Variants in ZC3H8 observed in about 807,000 individuals in gnomAD.
ZC3H8 encodes zinc finger CCCH-type containing 8, also known as zinc finger CCCH domain-containing protein 8.
In ZC3H8, 27 loss-of-function variants were observed where a neutral mutation model predicts 42.5. That is an observed-to-expected ratio of 0.64 (90% CI 0.47 to 0.88). The LOEUF is 0.88. Among genes scored for constraint, ZC3H8 ranks in the 40% least tolerant of loss-of-function variants. The pLI is 0.00. For missense variants in ZC3H8, 277 were observed against 336.1 expected (o/e 0.82, Z 1.37); for synonymous variants, 101 against 110.1 (o/e 0.92, Z 0.52).
intron 4 of ZC3H8, 128 bp downstream of exon 4, chr2:112,236,434 T>C: frequency 1.6e-6 from 2 of 1,275,902 alleles, no homozygotes; most frequent in South Asian, 3.1e-5. Flanking sequence ...GACATCTTCA[T>C]CCGAAAACCG....
chr2:112,236,321 AG>A (rs1685333375), intron 4 of ZC3H8, among the ~76,000 whole-genome samples: 1 of 152,196 alleles, frequency 6.6e-6, no homozygotes, highest in Admixed American at 6.5e-5. Context: ...CAGGAACAAC[AG>A]TGAGAACGCT....
intron 1 of ZC3H8, among the ~76,000 whole-genome samples, chr2:112,254,523 G>A (rs553806163): frequency 4.6e-5 from 7 of 152,328 alleles, no homozygotes; most frequent in Non-Finnish European, 1.0e-4. Context: ...AGTGTCCTCT[G>A]GGAGTTTACG....
At chr2:112,246,074 A>G (rs1219383266) in intron 2 of ZC3H8, among the ~76,000 whole-genome samples, 1 of 152,196 alleles carries the variant, frequency 6.6e-6, no homozygotes, top group Non-Finnish European at 1.5e-5. Context: ...CCTGTGCTCT[A>G]TATATGGAGC....
intron 1 of ZC3H8, among the ~76,000 whole-genome samples, chr2:112,251,636 T>C (rs1685953317): frequency 1.3e-5 from 2 of 152,198 alleles, no homozygotes; most frequent in Admixed American, 1.3e-4. Context: ...TGTTATGACA[T>C]ACATACTAAA....
chr2:112,253,232 T>TA lies in ZC3H8; in HGVS notation c.74+1675dup, dbSNP rs776356203. ...TCATTCATTTTCTCAGGGCATTTAG[T>TA]ACCACCTAAAATATGATATATTTAT... On this transcript the variant is annotated intron_variant, in intron 1 of 8. Coordinates refer to ENST00000409573, the MANE Select transcript of ZC3H8 (RefSeq NM_032494.3). Among the ~76,000 whole-genome samples the TA allele has an allele frequency of 7.9e-5, 12 of 152,308 alleles. No homozygotes were observed. The East Asian group carries it at 1.7e-3, about 22-fold the overall frequency.
chr2:112,215,535 A>G lies in ZC3H8; in HGVS notation c.*949T>C, dbSNP rs1684287185. On this transcript the variant is annotated 3_prime_UTR_variant, in exon 9 of 9. Coordinates refer to ENST00000409573, the MANE Select transcript of ZC3H8 (RefSeq NM_032494.3). ...TTCAAATAGGACTTTGCTAAGAAGT[A>G]TCACTAGCTTTGGTGTACTCTGTAT... The G allele has an allele frequency of 6.6e-6, 1 of 152,244 alleles. No homozygotes were observed. Among genetic ancestry groups the G allele is most frequent in the Non-Finnish European group, 1.5e-5 (1 of 68,028 alleles). 9.4% of individuals were successfully genotyped at this position (152,244 alleles called of 1,614,324 possible). A position where few individuals can be genotyped will look rare whatever the true frequency, so the allele number is the denominator to read the frequency against.
rs539045595 is a variant in ZC3H8 at position 112,247,072 on chromosome 2, A to G, written c.156+3119T>C. Among the ~76,000 whole-genome samples, 72 of 152,298 alleles carry G rather than the reference A, an allele frequency of 4.7e-4. No individual in the cohort carries two copies. The South Asian group carries it at 8.9e-3, about 19-fold the overall frequency. On this transcript the variant is annotated intron_variant, in intron 2 of 8. Coordinates refer to ENST00000409573, the MANE Select transcript of ZC3H8 (RefSeq NM_032494.3). ...CAAAGAATTTTTAATTAAGATATATACTGTTTTCTAAAATATAATGGTATT... is the reference window on the plus strand; with the variant it reads ...CAAAGAATTTTTAATTAAGATATATGCTGTTTTCTAAAATATAATGGTATT...
chr2:112,249,667 A>T (rs1267236130), intron 2 of ZC3H8, among the ~76,000 whole-genome samples: 1 of 152,052 alleles, frequency 6.6e-6, no homozygotes, highest in African/African-American at 2.4e-5. Context: ...GCTGGTCTCA[A>T]ACTCCTGACC....
At chr2:112,236,772 T>C in intron 3 of ZC3H8, 77 bp from the exon 4 acceptor site, 2 of 1,298,370 alleles carry the variant, frequency 1.5e-6, no homozygotes, top group Non-Finnish European at 1.1e-6. Context: ...CGGGGCCAGG[T>C]GCAGTGGCTC....
chr2:112,223,619 T>C (rs191736519), intron 8 of ZC3H8, among the ~76,000 whole-genome samples: 147 of 152,260 alleles, frequency 9.7e-4, no homozygotes, highest in South Asian at 5.2e-3. Flanking sequence ...AAGAAAAATG[T>C]ATAGGTTTAG....
intron 8 of ZC3H8, among the ~76,000 whole-genome samples, chr2:112,225,408 T>C (rs1684777443): frequency 1.3e-5 from 2 of 151,774 alleles, no homozygotes; most frequent in South Asian, 4.2e-4. Flanking sequence ...AGCCCAGGAG[T>C]TCAAGGCTAA....
At chr2:112,250,445 A>G (rs1685907645) in intron 1 of ZC3H8, among the ~76,000 whole-genome samples, 173 bp from the exon 2 acceptor site, 1 of 152,234 alleles carries the variant, frequency 6.6e-6, no homozygotes, top group Admixed American at 6.5e-5. Flanking sequence ...TGACCAATAA[A>G]TGTCCATATA....
In ZC3H8 at chr2:112,254,990, C is replaced by T; in HGVS notation, c.-9G>A. On this transcript the variant is annotated 5_prime_UTR_variant, in exon 1 of 9. Transcript: ENST00000409573. ...AGATTCTCAAAATCCATGACCCAGA[C>T]AGGTCCTCCCTTTCGCGAGCCGGGA... The T allele has an allele frequency of 6.2e-7, 1 of 1,601,820 alleles. No individual in the cohort carries two copies. The highest frequency in any genetic ancestry group is 8.5e-7 in the Non-Finnish European group (1 of 1,175,008).
intron 2 of ZC3H8, 113 bp from the exon 3 acceptor site, chr2:112,238,641 A>G (rs1470919522): frequency 1.3e-6 from 1 of 785,232 alleles, no homozygotes; most frequent in African/African-American, 1.7e-5. Context: ...GGTGGGTAAT[A>G]GGTACATGGG....
At chr2:112,226,607 C>CAAAAAAAAAAA (rs1684854371) in intron 8 of ZC3H8, among the ~76,000 whole-genome samples, 2 of 53,196 alleles carry the variant, frequency 3.8e-5, no homozygotes, top group South Asian at 4.4e-4. Flanking sequence ...AAAAAAAAAG[C>CAAAAAAAAAAA]TCAGGCCCAG....
intron 8 of ZC3H8, among the ~76,000 whole-genome samples, chr2:112,229,228 T>C (rs903777575): frequency 2.6e-5 from 4 of 152,024 alleles, no homozygotes; most frequent in Non-Finnish European, 4.4e-5. Context: ...GCTTGGGAGA[T>C]TGGTTATCCA....
At position 112,226,154 on chromosome 2, in the gene ZC3H8, G is replaced by A. The variant is rs544298923; in HGVS notation, c.*15+4749C>T. 6.6e-5 allele frequency among the ~76,000 whole-genome samples: 10 copies of A among 150,496 alleles called. No homozygotes were observed. In the South Asian group the frequency reaches 1.0e-3, roughly 16 times the overall value. The stretch of plus-strand genomic sequence containing the variant: ...AAGACAATACTATAAACAAATTTAC[G>A]CCAACAAAGTAGACAACTTAGATGA... On this transcript the variant is annotated intron_variant, in intron 8 of 8. Transcript: ENST00000409573.
At chr2:112,219,937 A>T (rs1684513110) in intron 8 of ZC3H8, among the ~76,000 whole-genome samples, 1 of 152,164 alleles carries the variant, frequency 6.6e-6, no homozygotes, top group African/African-American at 2.4e-5. Context: ...TTGTTGGTTT[A>T]AAGTCTGTTT....
chr2:112,216,590 C>G (rs1684332099), intron 8 of ZC3H8, 122 bp from the exon 9 acceptor site: 1 of 149,696 alleles, frequency 6.7e-6, no homozygotes, highest in South Asian at 2.1e-4. Flanking sequence ...CTGAAGAAAA[C>G]AAGCAAAAAT....
Sources: allele counts gnomAD v4.1 joint callset (sites outside exome capture counted in the v4.1 genomes callset), GRCh38; gene constraint gnomAD v4.1.1; transcripts MANE v1.5; gene names NCBI Gene and HGNC (gene_info 2026-07-23, HGNC 2026-07-21).